The following BCAM variants were observed in gnomAD, a reference collection of about 807,000 sequenced individuals.
BCAM encodes basal cell adhesion molecule.
Under a neutral mutation model 72.4 loss-of-function variants are expected in BCAM, and 61 were observed. The observed-to-expected ratio is 0.84, with a 90% CI of 0.69 to 1.04. The LOEUF is 1.04. Among genes scored for constraint, BCAM ranks in the 50% least tolerant of loss-of-function variants. The pLI is 0.00. For synonymous variants in BCAM, 408 were observed against 384.2 expected, an observed-to-expected ratio of 1.06 and a Z score of -0.73; for missense variants, 909 against 895.0, an observed-to-expected ratio of 1.02 and a Z score of -0.20.
At chr19:44,815,161 G>C (rs1161684258) in intron 8 of BCAM, among the ~76,000 whole-genome samples, 2 of 152,028 alleles carry the variant, frequency 1.3e-5, no homozygotes, top group East Asian at 3.9e-4. Flanking sequence ...CACCTGGCCA[G>C]TTCCACCATT....
chr19:44,811,448 C>T (rs1968418717), intron 2 of BCAM, 102 bp downstream of exon 2: 39 of 1,561,214 alleles, frequency 2.5e-5, no homozygotes, highest in Non-Finnish European at 3.2e-5. Flanking sequence ...CACCAAGCCA[C>T]ACTCCTTGTT....
chr19:44,812,422 G>A lies in BCAM; in HGVS notation c.433+31G>A. 1.2e-6 allele frequency: 2 copies of A among 1,614,150 alleles called. No homozygotes were observed. The highest frequency in any genetic ancestry group is 2.2e-5 in the East Asian group (1 of 44,888). ...TGTCCTCGGGCATCCCCCGAAGGGA[G>A]GCAGGCAGGGAGGGGCGCAGGGCAG... On this transcript the variant is annotated intron_variant, in intron 3 of 14. Transcript: ENST00000270233. The surrounding 1 kb of genome is among the most constrained non-coding windows in gnomAD (Gnocchi z 5.3).
intron 1 of BCAM, among the ~76,000 whole-genome samples, chr19:44,809,470 G>A (rs1968388988): frequency 6.6e-6 from 1 of 151,932 alleles, no homozygotes; most frequent in Non-Finnish European, 1.5e-5. Flanking sequence ...TGGAATCTGG[G>A]TCCCACCTGC....
Position 44,812,740 on chromosome 19 carries a change from A to G in BCAM, c.504+192A>G, listed in dbSNP as rs1968442374. On this transcript the variant is annotated intron_variant, in intron 4 of 14. Transcript: ENST00000270233. The surrounding 1 kb of genome is among the most constrained non-coding windows in gnomAD (Gnocchi z 5.3). ...AGAGGCAGGCGGATCACCTGAGGTC[A>G]GGAGTTCCAGACCAGCCTGGCCAAC... 1.6e-6 allele frequency: 1 copy of G among 620,532 alleles called. No individual in the cohort carries two copies. The highest frequency in any genetic ancestry group is 3.0e-5 in the Admixed American group (1 of 33,042). 38.4% of individuals were successfully genotyped at this position (620,532 alleles called of 1,614,324 possible).
At chr19:44,820,886 C>T in intron 14 of BCAM, 30 bp from the exon 15 acceptor site, 2 of 1,557,250 alleles carry the variant, frequency 1.3e-6, no homozygotes, top group Non-Finnish European at 1.7e-6. Flanking sequence ...CGCCCGTGGG[C>T]ACAGGCTGAC....
intron 1 of BCAM, among the ~76,000 whole-genome samples, chr19:44,810,718 G>A (rs1968406683): frequency 6.6e-6 from 1 of 152,338 alleles, no homozygotes; most frequent in East Asian, 1.9e-4. Context: ...TGCCCTGGGG[G>A]GTGGCGTGTG....
At position 44,819,500 on chromosome 19, in the gene BCAM, T is replaced by A; in HGVS notation, c.1618+10T>A. 1 of 1,613,876 alleles carries A rather than the reference T, an allele frequency of 6.2e-7. No homozygotes were observed. Among genetic ancestry groups the A allele is most frequent in the Non-Finnish European group, 8.5e-7 (1 of 1,179,884 alleles). On this transcript the variant is annotated intron_variant, in intron 12 of 14. Transcript: ENST00000270233. ...TTCCACTTCGGCACCGGTGAGTGAC[T>A]GAGGTGGTGGCAGAGGAGCCGGGTG...
rs749751982 is a variant in BCAM, at chr19:44,819,646, G to A, written c.1683G>A (p.Leu561=). 1 of 1,613,640 alleles carries A rather than the reference G, an allele frequency of 6.2e-7. No homozygotes were observed. The highest frequency in any genetic ancestry group is 8.5e-7 in the Non-Finnish European group (1 of 1,179,788). ...CCGTGGCCGTCAGCGTGGGCCTCCTGCTCCTCGTCGTTGCTGTCTTCTACT... is the reference window on the plus strand; with the variant it reads ...CCGTGGCCGTCAGCGTGGGCCTCCTACTCCTCGTCGTTGCTGTCTTCTACT... ...VMAVAVSVGL[L]LLVVAVFYCV... Residue 561 remains leucine (L), a synonymous_variant, in exon 13 of 15, where the codon CTG becomes CTA. Transcript: ENST00000270233.
In BCAM at chr19:44,812,329, T is replaced by A; in HGVS notation, c.371T>A (p.Val124Glu). The A allele has an allele frequency of 6.2e-7, 1 of 1,613,088 alleles. No homozygotes were observed. The highest frequency in any genetic ancestry group is 8.5e-7 in the Non-Finnish European group (1 of 1,179,422). The change falls in exon 3 of 15, where the codon GTG (valine) becomes GAG (glutamate). Residue 124 changes from valine (V) to glutamate (E), a missense_variant. By Grantham distance (121) the Val-to-Glu change is moderately radical. Coordinates refer to ENST00000270233, the MANE Select transcript of BCAM (RefSeq NM_005581.5). This position sits in a 1 kb window ranked among gnomAD's most constrained non-coding sequence, Gnocchi z 5.3. ...EAQVGDERDY[V>E]CVVRAGAAGT... ...CAGGTGGGCGACGAGCGAGACTACG[T>A]GTGCGTGGTGAGGGCAGGGGCGGCA...
chr19:44,819,575 C>T lies in BCAM; in HGVS notation c.1619-7C>T. On this transcript the variant is annotated splice_polypyrimidine_tract_variant and splice_region_variant and intron_variant, in intron 12 of 14. Transcript: ENST00000270233. ...GACCCACGCCTCTCTCCATCCTGTCCCTGCAGTGAGCCCCCAGACCTCCCA... is the reference window on the plus strand; with the variant it reads ...GACCCACGCCTCTCTCCATCCTGTCTCTGCAGTGAGCCCCCAGACCTCCCA... 6.2e-7 allele frequency: 1 copy of T among 1,612,904 alleles called. No individual in the cohort carries two copies. The highest frequency in any genetic ancestry group is 8.5e-7 in the Non-Finnish European group (1 of 1,179,348).
chr19:44,818,874 T>C lies in BCAM; in HGVS notation c.1328T>C (p.Leu443Pro), dbSNP rs745593719. Reference sequence around the variant, plus strand: ...AGCCGCACCCAGAACTTCACGCTGCTGGTCCAAGGTTCAGGGGGCAGGGAG... The same window carrying C: ...AGCCGCACCCAGAACTTCACGCTGCCGGTCCAAGGTTCAGGGGGCAGGGAG... Reference protein sequence around the residue: ...VLSRTQNFTLLVQGSPELKTA... With the variant: ...VLSRTQNFTLPVQGSPELKTA... Residue 443 changes from leucine (L) to proline (P), a missense_variant, in exon 10 of 15, where the codon CTG becomes CCG. Coordinates refer to ENST00000270233, the MANE Select transcript of BCAM (RefSeq NM_005581.5). The surrounding 1 kb of genome is among the most constrained non-coding windows in gnomAD (Gnocchi z 4.6). 1 of 1,613,870 alleles carries C rather than the reference T, an allele frequency of 6.2e-7. No homozygotes were observed. Among genetic ancestry groups the C allele is most frequent in the African/African-American group, 1.3e-5 (1 of 75,036 alleles).
chr19:44,819,176 G>A lies in BCAM; in HGVS notation c.1457G>A (p.Ser486Asn). The A allele has an allele frequency of 6.2e-7, 1 of 1,614,052 alleles. No homozygotes were observed. The highest frequency in any genetic ancestry group is 8.5e-7 in the Non-Finnish European group (1 of 1,179,966). The change falls in exon 11 of 15, where the codon AGC becomes AAC. Residue 486 changes from serine to asparagine, a missense_variant. Transcript: ENST00000270233. ...RGHPDPKLSW[S>N]QLGGSPAEPI... The stretch of plus-strand genomic sequence containing the variant: ...CATCCAGACCCCAAACTCAGCTGGA[G>A]CCAATTGGGGGGCAGCGTAAGGGAC...
At chr19:44,815,747 A>G (rs995668901) in intron 8 of BCAM, among the ~76,000 whole-genome samples, 1 of 152,090 alleles carries the variant, frequency 6.6e-6, no homozygotes, top group Non-Finnish European at 1.5e-5. Context: ...GTTCATGCCT[A>G]TAATCCCAGC....
At chr19:44,820,063 T>A in intron 13 of BCAM, 1 of 1,177,934 alleles carries the variant, frequency 8.5e-7, no homozygotes, top group Middle Eastern at 3.4e-4. Context: ...TCCATGCCTG[T>A]CTCCAATCCC....
In BCAM at chr19:44,814,908, G is replaced by GC. The variant is rs1423337690; in HGVS notation, c.1078+148_1078+149insC. ...GCATTTCTTGGGGGTTTTTTTGGTTGTTTTTTTTTTTTTTTTTTTCCCAGA... is the reference window on the plus strand; with the variant it reads ...GCATTTCTTGGGGGTTTTTTTGGTTGCTTTTTTTTTTTTTTTTTTTCCCAGA... On this transcript the variant is annotated intron_variant, in intron 8 of 14. Coordinates refer to ENST00000270233, the MANE Select transcript of BCAM (RefSeq NM_005581.5). The surrounding 1 kb of genome is among the most constrained non-coding windows in gnomAD (Gnocchi z 4.6). The GC allele has an allele frequency of 1.7e-5, 9 of 518,580 alleles. No individual in the cohort carries two copies. Among genetic ancestry groups the GC allele is most frequent in the Non-Finnish European group, 2.5e-5 (9 of 357,578 alleles). The allele number at this position is 518,580 out of a possible 1,614,324, so 32.1% of individuals were successfully genotyped here. A position where few individuals can be genotyped will look rare whatever the true frequency, so the allele number is the denominator to read the frequency against.
chr19:44,811,154 G>A, intron 1 of BCAM, 71 bp from the exon 2 acceptor site: 1 of 1,605,554 alleles, frequency 6.2e-7, no homozygotes, highest in Non-Finnish European at 8.5e-7. Flanking sequence ...GTGTCCTGGG[G>A]GAGAGGGGAC....
In BCAM at chr19:44,812,498, G is replaced by A. The variant is rs372920236; in HGVS notation, c.454G>A (p.Val152Ile). The A allele has an allele frequency of 5.8e-5, 93 of 1,614,240 alleles. 3 individuals are homozygous for A. The East Asian group carries it at 6.0e-4, about 10-fold the overall frequency. ...CACAGCAAAGCCAGAGGCCACTGAG[G>A]TCTCCCCCAACAAAGGGACACTGTC... Reference protein sequence around the residue: ...NVFAKPEATEVSPNKGTLSVM... With the variant: ...NVFAKPEATEISPNKGTLSVM... Residue 152 changes from valine (V) to isoleucine (I), a missense_variant, in exon 4 of 15, where the codon GTC becomes ATC. By Grantham distance (29) the Val-to-Ile change is conservative. Transcript: ENST00000270233. The surrounding 1 kb of genome is among the most constrained non-coding windows in gnomAD (Gnocchi z 5.3).
chr19:44,816,215 C>T (rs943942141), intron 8 of BCAM, among the ~76,000 whole-genome samples: 8 of 151,852 alleles, frequency 5.3e-5, no homozygotes, highest in African/African-American at 1.9e-4. Flanking sequence ...GAGCCTGAGG[C>T]AGGAGAATCG....
At position 44,818,917 on chromosome 19, in the gene BCAM, G is replaced by A. The variant is rs374621114; in HGVS notation, c.1336+35G>A. ...GCAGGGAGGGGGTGGGCTTGGATGGGGACAGTGTGGGGTGTGGGACCTGGA... is the reference window on the plus strand; with the variant it reads ...GCAGGGAGGGGGTGGGCTTGGATGGAGACAGTGTGGGGTGTGGGACCTGGA... On this transcript the variant is annotated intron_variant, in intron 10 of 14. Transcript: ENST00000270233. The surrounding 1 kb of genome is among the most constrained non-coding windows in gnomAD (Gnocchi z 4.6). The A allele has an allele frequency of 1.9e-6, 3 of 1,607,862 alleles. No individual in the cohort carries two copies. The East Asian group carries it at 6.7e-5, about 36-fold the overall frequency.
Sources: gnomAD v4.1 joint callset for allele counts (sites outside exome capture counted in the v4.1 genomes callset) on GRCh38, gnomAD v4.1.1 for gene constraint, Gnocchi (gnomAD v3.1) non-coding constraint, MANE v1.5 for transcripts, NCBI Gene and HGNC (gene_info 2026-07-23, HGNC 2026-07-21) for gene names.